The following PTPRD variants were observed in gnomAD, a reference collection of about 807,000 sequenced individuals.
PTPRD encodes the protein receptor-type tyrosine-protein phosphatase delta.
In PTPRD, 34 loss-of-function variants were observed where a neutral mutation model predicts 214.5. The observed-to-expected ratio is 0.16, with a 90% CI of 0.12 to 0.21. The LOEUF is 0.21. Among genes scored for constraint, PTPRD ranks in the 10% least tolerant of loss-of-function variants. The pLI is 1.00. For missense variants in PTPRD, 2,545 were observed against 2,398.7 expected, an observed-to-expected ratio of 1.06 and a Z score of -1.27; for synonymous variants, 1,128 against 845.7, an observed-to-expected ratio of 1.33 and a Z score of -5.79.
intron 3 of PTPRD, among the ~76,000 whole-genome samples, chr9:10,276,645 C>T (rs1299136272): frequency 1.3e-5 from 2 of 152,142 alleles, no homozygotes; most frequent in Non-Finnish European, 2.9e-5. Context: ...CATACACCTA[C>T]CTAATTGATT....
intron 4 of PTPRD, among the ~76,000 whole-genome samples, chr9:9,980,647 C>A (rs1175086733): frequency 2.0e-5 from 2 of 99,816 alleles, no homozygotes; most frequent in African/African-American, 7.4e-5. Context: ...AAAAAAAAAA[C>A]CCTTTATGGA....
intron 11 of PTPRD, among the ~76,000 whole-genome samples, chr9:8,985,439 C>T (rs2099337276): frequency 6.6e-6 from 1 of 151,930 alleles, no homozygotes; most frequent in African/African-American, 2.4e-5. Flanking sequence ...GTTGTAATAG[C>T]TAAAAGCAAT....
chr9:8,357,679 T>C (rs536256270), intron 39 of PTPRD, among the ~76,000 whole-genome samples: 21 of 152,284 alleles, frequency 1.4e-4, no homozygotes, highest in Admixed American at 1.2e-3. Context: ...GGTGCATCCC[T>C]TTTCGGGGCC....
At chr9:8,814,697 T>A (rs2096884824) in intron 11 of PTPRD, among the ~76,000 whole-genome samples, 1 of 152,170 alleles carries the variant, frequency 6.6e-6, no homozygotes, top group Non-Finnish European at 1.5e-5. Context: ...GATCCAAGTA[T>A]AACCAAGGAT....
intron 5 of PTPRD, among the ~76,000 whole-genome samples, chr9:9,894,698 C>G (rs1447426117): frequency 6.6e-6 from 1 of 152,038 alleles, no homozygotes; most frequent in African/African-American, 2.4e-5. Context: ...GGGGGATGAG[C>G]TAAATAATAT....
chr9:10,217,415 G>C (rs746489099), intron 3 of PTPRD, among the ~76,000 whole-genome samples: 31 of 151,756 alleles, frequency 2.0e-4, no homozygotes, highest in Admixed American at 1.6e-3. Context: ...TGAGTGGTTT[G>C]TACTCCCAAA....
intron 12 of PTPRD, among the ~76,000 whole-genome samples, chr9:8,672,441 G>A (rs188580741): frequency 1.3e-5 from 2 of 152,214 alleles, no homozygotes; most frequent in East Asian, 3.9e-4. Context: ...CTTCAACTTT[G>A]TCTAAATGTA....
chr9:8,994,334 A>G (rs2099388387), intron 11 of PTPRD, among the ~76,000 whole-genome samples: 1 of 152,162 alleles, frequency 6.6e-6, no homozygotes, highest in African/African-American at 2.4e-5. Context: ...TTTAATGACA[A>G]TTGCCAGGTC....
At chr9:10,293,389 A>G (rs1018030471) in intron 3 of PTPRD, among the ~76,000 whole-genome samples, 1 of 152,022 alleles carries the variant, frequency 6.6e-6, no homozygotes, top group African/African-American at 2.4e-5. Context: ...CATTGTTTCA[A>G]GTTATACAGA....
At chr9:8,450,021 C>T (rs1432122183) in intron 33 of PTPRD, among the ~76,000 whole-genome samples, 184 bp from the exon 34 acceptor site, 1 of 152,100 alleles carries the variant, frequency 6.6e-6, no homozygotes, top group Admixed American at 6.6e-5. Flanking sequence ...TCTCTCAGGT[C>T]TAAAATTTTT....
At chr9:8,634,956 T>C (rs2096382236) in intron 13 of PTPRD, among the ~76,000 whole-genome samples, 2 of 151,172 alleles carry the variant, frequency 1.3e-5, no homozygotes, top group Admixed American at 6.6e-5. Flanking sequence ...ACACCATACT[T>C]AGCACTGGGG....
At chr9:9,927,161 A>G (rs1347698255) in intron 5 of PTPRD, among the ~76,000 whole-genome samples, 2 of 152,176 alleles carry the variant, frequency 1.3e-5, no homozygotes. Flanking sequence ...TTTCTATATT[A>G]GAATATTTAA....
At position 8,507,768 on chromosome 9, in the gene PTPRD, CT is replaced by C. The variant is rs1192940416; in HGVS notation, c.1544-335del. On this transcript the variant is annotated intron_variant, in intron 21 of 45. Coordinates refer to ENST00000381196, the MANE Select transcript of PTPRD (RefSeq NM_002839.4). ...TAAATAATATAATTTACATAAAGCA[CT>C]TGAAATATTGCCAAAAGCATAATAA... is the stretch of plus-strand genomic sequence containing the variant. 5.3e-5 allele frequency among the ~76,000 whole-genome samples: 8 copies of C among 152,264 alleles called. No homozygotes were observed. The Middle Eastern group carries it at 0.017, about 324-fold the overall frequency.
chr9:10,327,949 G>C (rs116570806), intron 3 of PTPRD, among the ~76,000 whole-genome samples: 100 of 151,698 alleles, frequency 6.6e-4, no homozygotes, highest in African/African-American at 2.4e-3. Flanking sequence ...ACAATTTCTG[G>C]AGTTTTTATT....
chr9:10,577,163 G>A (rs981581058), intron 2 of PTPRD, among the ~76,000 whole-genome samples: 5 of 152,030 alleles, frequency 3.3e-5, no homozygotes, highest in Admixed American at 6.6e-5. Flanking sequence ...AAAACTGCAT[G>A]TCTTCATTGT....
chr9:8,859,478 GT>G (rs2098049496), intron 11 of PTPRD, among the ~76,000 whole-genome samples: 1 of 152,196 alleles, frequency 6.6e-6, no homozygotes, highest in African/African-American at 2.4e-5. Context: ...GGTCAGAAAG[GT>G]TAAATAAAGT....
chr9:9,576,577 C>A (rs956534425), intron 7 of PTPRD, among the ~76,000 whole-genome samples: 5 of 152,126 alleles, frequency 3.3e-5, no homozygotes, highest in African/African-American at 1.2e-4. Flanking sequence ...ATTAGAGTGA[C>A]CTTCTTTCTT....
At chr9:10,343,122 C>T (rs1423821654) in intron 2 of PTPRD, among the ~76,000 whole-genome samples, 1 of 152,012 alleles carries the variant, frequency 6.6e-6, no homozygotes, top group Admixed American at 6.6e-5. Context: ...TGCTATCCCT[C>T]CCCCAGCCCC....
intron 9 of PTPRD, among the ~76,000 whole-genome samples, chr9:9,288,221 TTTG>T (rs1409948066): frequency 6.6e-6 from 1 of 151,870 alleles, no homozygotes; most frequent in Non-Finnish European, 1.5e-5. Flanking sequence ...ACTCTAAAAT[TTTG>T]TTGTCGGAGG....
Sources: gnomAD v4.1 joint callset for allele counts (sites outside exome capture counted in the v4.1 genomes callset) on GRCh38, gnomAD v4.1.1 for gene constraint, MANE v1.5 for transcripts, NCBI Gene and HGNC (gene_info 2026-07-23, HGNC 2026-07-21) for gene names.